The following AGO2 variants were observed in gnomAD, a reference collection of about 807,000 sequenced individuals.
The protein encoded by AGO2 is protein argonaute-2.
In AGO2, 5 loss-of-function variants were observed where a neutral mutation model predicts 102.3. The observed-to-expected ratio is 0.05, with a 90% CI of 0.03 to 0.10. The LOEUF (loss-of-function observed/expected upper bound fraction) is 0.10. AGO2 is among the 10% of genes least tolerant of loss of function. The pLI is 1.00. For missense variants in AGO2, 541 were observed against 1,183.7 expected (o/e 0.46, Z 7.97); for synonymous variants, 449 against 473.1 (o/e 0.95, Z 0.66).
chr8:140,520,834 A>C lies in AGO2; in HGVS notation c.*11210T>G, dbSNP rs1001704178. 2 of 152,196 alleles carry C rather than the reference A, an allele frequency of 1.3e-5. No homozygotes were observed. The highest frequency in any genetic ancestry group is 1.9e-4 in the East Asian group (1 of 5,198). 9.4% of individuals were successfully genotyped at this position (152,196 alleles called of 1,614,324 possible). On this transcript the variant is annotated 3_prime_UTR_variant, in exon 19 of 19. Coordinates refer to ENST00000220592, the MANE Select transcript of AGO2 (RefSeq NM_012154.5). ...TCAGAACATTATTGTCTGCTTATAA[A>C]CACAGTGTCTGCCTCCTCAGGTGTA...
At chr8:140,591,726 C>T (rs1328226750) in intron 1 of AGO2, 2 of 152,184 alleles carry the variant, frequency 1.3e-5, no homozygotes, top group African/African-American at 2.4e-5. Flanking sequence ...GTGATCTTTA[C>T]GAAGAAAACT....
chr8:140,555,838 G>GGGTC (rs1046342968), intron 10 of AGO2, 58 bp downstream of exon 10: 1 of 1,570,768 alleles, frequency 6.4e-7, no homozygotes, highest in African/African-American at 1.3e-5. Context: ...AACCTGAGAG[G>GGGTC]GGTCGCAGGG....
intron 3 of AGO2, among the ~76,000 whole-genome samples, chr8:140,564,549 A>T (rs969944979): frequency 6.6e-5 from 10 of 152,208 alleles, no homozygotes; most frequent in African/African-American, 2.4e-4. Flanking sequence ...GACAGAGGGG[A>T]TCCTTTATAA....
At chr8:140,555,769 C>G (rs539119943) in intron 10 of AGO2, 127 bp downstream of exon 10, 2 of 1,335,946 alleles carry the variant, frequency 1.5e-6, no homozygotes, top group Non-Finnish European at 2.0e-6. Context: ...CAGGCTCAGC[C>G]GGGAGTAGAA....
chr8:140,615,036 C>T (rs1014487803), intron 1 of AGO2, among the ~76,000 whole-genome samples: 1 of 152,248 alleles, frequency 6.6e-6, no homozygotes, highest in Non-Finnish European at 1.5e-5. Context: ...ATTCCACTAA[C>T]TGTTTTATGA....
chr8:140,541,157 C>A lies in AGO2; in HGVS notation c.2034+7G>T. The A allele has an allele frequency of 1.3e-6, 2 of 1,540,954 alleles. No individual in the cohort carries two copies. Among genetic ancestry groups the A allele is most frequent in the Non-Finnish European group, 1.8e-6 (2 of 1,140,632 alleles). ...GAAGGGGAGGGAAGGTTCCAAGAGG[C>A]GCCCACCTGCTGGAACTGGCCTTCA... is the stretch of plus-strand genomic sequence containing the variant. On this transcript the variant is annotated splice_region_variant and intron_variant, in intron 15 of 18. Transcript: ENST00000220592.
chr8:140,554,988 A>G lies in AGO2; in HGVS notation c.1269+908T>C, dbSNP rs572673389. 6.1e-4 allele frequency among the ~76,000 whole-genome samples: 93 copies of G among 152,250 alleles called. 1 individual carries two copies. The highest frequency in any genetic ancestry group is 3.4e-3 in the Middle Eastern group (1 of 294). ...ACTCACTGCGCCCAGCTCAGAACCC[A>G]TATTTTAAAATAAGACAAGAAAAAC... On this transcript the variant is annotated intron_variant, in intron 10 of 18. Transcript: ENST00000220592.
intron 13 of AGO2, among the ~76,000 whole-genome samples, chr8:140,545,950 T>C (rs77323422): frequency 0.029 from 4,409 of 152,272 alleles, 178 homozygotes; most frequent in African/African-American, 0.097. Context: ...GCCTGTCTCT[T>C]GTCTGCTCTC....
intron 1 of AGO2, among the ~76,000 whole-genome samples, chr8:140,605,230 G>T (rs1044659149): frequency 5.3e-5 from 8 of 152,070 alleles, no homozygotes; most frequent in African/African-American, 1.9e-4. Flanking sequence ...GAGTAGCTAG[G>T]AGCACAGGTG....
chr8:140,610,417 C>T lies in AGO2; in HGVS notation c.22+25068G>A, dbSNP rs1431037698. Among the ~76,000 whole-genome samples, 25 of 152,148 alleles carry T rather than the reference C, an allele frequency of 1.6e-4. 1 individual carries two copies. The highest frequency in any genetic ancestry group is 1.6e-3 in the Admixed American group (25 of 15,270). On this transcript the variant is annotated intron_variant, in intron 1 of 18. Coordinates refer to ENST00000220592, the MANE Select transcript of AGO2 (RefSeq NM_012154.5). ...TATTTTCAGTAGAGATGGGGTTTCA[C>T]CATGTTGACCAGGCTGGTATTGAAC...
chr8:140,618,138 C>G (rs189326451), intron 1 of AGO2, among the ~76,000 whole-genome samples: 1 of 152,010 alleles, frequency 6.6e-6, no homozygotes, highest in African/African-American at 2.4e-5. Flanking sequence ...CCTGCCAACA[C>G]GGTGAAACCC....
At chr8:140,612,490 G>T (rs1210364356) in intron 1 of AGO2, among the ~76,000 whole-genome samples, 1 of 152,130 alleles carries the variant, frequency 6.6e-6, no homozygotes, top group Non-Finnish European at 1.5e-5. Context: ...TTCTGGCTGG[G>T]TGTGGTGGCT....
chr8:140,541,419 T>A, intron 14 of AGO2, 61 bp from the exon 15 acceptor site: 7 of 1,446,530 alleles, frequency 4.8e-6, no homozygotes, highest in Non-Finnish European at 6.4e-6. Context: ...CCTGGGCATG[T>A]GCCTGGACTC....
intron 1 of AGO2, among the ~76,000 whole-genome samples, chr8:140,603,538 T>A (rs2073958357): frequency 6.6e-6 from 1 of 152,134 alleles, no homozygotes; most frequent in South Asian, 2.1e-4. Context: ...CCCCGTTTCC[T>A]CCAAAGCCCA....
chr8:140,614,325 A>C (rs2074116247), intron 1 of AGO2, among the ~76,000 whole-genome samples: 1 of 152,224 alleles, frequency 6.6e-6, no homozygotes, highest in Admixed American at 6.5e-5. Flanking sequence ...CTCCGTCTCA[A>C]AACAAAACAA....
At chr8:140,638,363 T>G (rs568470089), upstream of AGO2, 34 of 152,310 alleles carry the variant, frequency 2.2e-4, no homozygotes, top group African/African-American at 7.9e-4. Context: ...ATAAATAAGT[T>G]TATTGTCTGC....
At chr8:140,590,963 C>G (rs888863240) in intron 1 of AGO2, among the ~76,000 whole-genome samples, 4 of 152,194 alleles carry the variant, frequency 2.6e-5, no homozygotes, top group African/African-American at 9.7e-5. Context: ...TGTAGCCATC[C>G]ACCACTGCTC....
chr8:140,572,309 C>G (rs1165455347), intron 3 of AGO2: 1 of 152,404 alleles, frequency 6.6e-6, no homozygotes, highest in Non-Finnish European at 1.5e-5. Flanking sequence ...GGCCTCACTG[C>G]CATGTCTCTC....
rs905720722 is a variant in AGO2, at chr8:140,521,523, A to T, written c.*10521T>A. 1 of 152,244 alleles carries T rather than the reference A, an allele frequency of 6.6e-6. No individual in the cohort carries two copies. Among genetic ancestry groups the T allele is most frequent in the African/African-American group, 2.4e-5 (1 of 41,470 alleles). 9.4% of individuals were successfully genotyped at this position (152,244 alleles called of 1,614,324 possible). On this transcript the variant is annotated 3_prime_UTR_variant, in exon 19 of 19. Transcript: ENST00000220592. Reference sequence around the variant, plus strand: ...AAAATCAAATTCTTAAGACTCCAAAATATTGTTACCTCCAAAGAATTAAGT... The same window carrying T: ...AAAATCAAATTCTTAAGACTCCAAATTATTGTTACCTCCAAAGAATTAAGT...
Sources: gnomAD v4.1 joint callset for allele counts (sites outside exome capture counted in the v4.1 genomes callset) on GRCh38, gnomAD v4.1.1 for gene constraint, MANE v1.5 for transcripts, NCBI Gene and HGNC (gene_info 2026-07-23, HGNC 2026-07-21) for gene names.